The following FA2H variants were observed in gnomAD, a reference collection of about 807,000 sequenced individuals.
The protein encoded by FA2H is fatty acid 2-hydroxylase.
FA2H carries 22 observed loss-of-function variants against 44.9 expected under a neutral mutation model. That is an observed-to-expected ratio of 0.49 (90% CI 0.35 to 0.70). The LOEUF is 0.70. FA2H is among the 30% of genes least tolerant of loss of function. FA2H has a pLI of 0.01. For missense variants in FA2H, 501 were observed against 504.9 expected, an observed-to-expected ratio of 0.99 and a Z score of 0.07; for synonymous variants, 243 against 213.2, an observed-to-expected ratio of 1.14 and a Z score of -1.22.
At chr16:74,755,530 T>C (rs1481932798) in intron 1 of FA2H, among the ~76,000 whole-genome samples, 1 of 152,218 alleles carries the variant, frequency 6.6e-6, no homozygotes, top group African/African-American at 2.4e-5. Context: ...CTTTGCTGCA[T>C]ATAACCATTC....
In FA2H at chr16:74,714,226, G is replaced by A. The variant is rs541753758; in HGVS notation, c.1083C>T (p.Thr361=). 5 of 1,566,236 alleles carry A rather than the reference G, an allele frequency of 3.2e-6. No individual in the cohort carries two copies. In the African/African-American group the frequency reaches 6.8e-5, roughly 21 times the overall value. ...TCAGGTGGGGTTTCTCTGGAGTGAG[G>A]GTGTGGAAACAGTAATCCCACAATT... The part of the protein sequence containing the change: ...STKLWDYCFH[T]LTPEKPHLKT... Residue 361 remains threonine, a synonymous_variant, in exon 7 of 7, where the codon ACC becomes ACT. Coordinates refer to ENST00000219368, the MANE Select transcript of FA2H (RefSeq NM_024306.5).
At chr16:74,771,721 C>T (rs1356685830) in intron 1 of FA2H, among the ~76,000 whole-genome samples, 1 of 152,088 alleles carries the variant, frequency 6.6e-6, no homozygotes, top group Non-Finnish European at 1.5e-5. Flanking sequence ...TTAAACTGGG[C>T]CCTCACCACA....
At chr16:74,717,082 C>T in intron 5 of FA2H, 1 of 161,996 alleles carries the variant, frequency 6.2e-6, no homozygotes, top group Non-Finnish European at 1.4e-5. Context: ...GGCGGGATGA[C>T]CCGGAAGTGT....
At chr16:74,727,168 C>T in intron 3 of FA2H, 76 bp downstream of exon 3, 1 of 1,584,306 alleles carries the variant, frequency 6.3e-7, no homozygotes, top group Non-Finnish European at 8.6e-7. Flanking sequence ...GACTCAATTG[C>T]CCCCTCCCTT....
intron 1 of FA2H, among the ~76,000 whole-genome samples, chr16:74,766,012 G>A (rs1962802330): frequency 1.3e-5 from 2 of 152,018 alleles, no homozygotes; most frequent in African/African-American, 4.8e-5. Context: ...TGTTAAATAA[G>A]AAAGAATGTT....
intron 1 of FA2H, among the ~76,000 whole-genome samples, chr16:74,748,873 T>C (rs1962478685): frequency 6.6e-6 from 1 of 152,114 alleles, no homozygotes; most frequent in Admixed American, 6.5e-5. Context: ...ATAGCCTGGA[T>C]TTTGCCTGAA....
intron 4 of FA2H, among the ~76,000 whole-genome samples, chr16:74,723,730 C>G (rs1474628143): frequency 6.6e-6 from 1 of 152,174 alleles, no homozygotes; most frequent in Non-Finnish European, 1.5e-5. Context: ...GCAGAGAGCA[C>G]AGGCATTGGA....
chr16:74,771,551 G>A (rs1005113991), intron 1 of FA2H, among the ~76,000 whole-genome samples: 9 of 151,736 alleles, frequency 5.9e-5, no homozygotes, highest in African/African-American at 2.2e-4. Context: ...GGCCAGACTG[G>A]TCTCAAACCC....
intron 2 of FA2H, among the ~76,000 whole-genome samples, chr16:74,730,106 C>A (rs1473079522): frequency 6.6e-6 from 1 of 152,194 alleles, no homozygotes; most frequent in East Asian, 1.9e-4. Flanking sequence ...CTAGCCCTTA[C>A]ATGCCCCCCA....
chr16:74,720,180 C>CATTT (rs1961802434), intron 4 of FA2H, among the ~76,000 whole-genome samples: 1 of 47,198 alleles, frequency 2.1e-5, no homozygotes, highest in African/African-American at 1.0e-4. Context: ...CATCCTCATC[C>CATTT]TTTTTTTTTT....
At chr16:74,770,318 C>T (rs1404604923) in intron 1 of FA2H, among the ~76,000 whole-genome samples, 1 of 152,244 alleles carries the variant, frequency 6.6e-6, no homozygotes, top group African/African-American at 2.4e-5. Flanking sequence ...CCAGGCATCT[C>T]TTTGAAAGGA....
intron 2 of FA2H, among the ~76,000 whole-genome samples, chr16:74,734,277 G>A (rs1216893541): frequency 1.3e-5 from 2 of 152,232 alleles, no homozygotes; most frequent in African/African-American, 4.8e-5. Context: ...TACAGCAGTG[G>A]AACCCGACGC....
At chr16:74,772,096 C>A (rs923843342) in intron 1 of FA2H, among the ~76,000 whole-genome samples, 3 of 152,126 alleles carry the variant, frequency 2.0e-5, no homozygotes, top group African/African-American at 7.2e-5. Context: ...ATCCTGACCA[C>A]AGCCTACGAA....
At chr16:74,766,406 T>G (rs1198665045) in intron 1 of FA2H, among the ~76,000 whole-genome samples, 2 of 150,656 alleles carry the variant, frequency 1.3e-5, no homozygotes, top group Non-Finnish European at 1.5e-5. Context: ...GGTGAGGAGG[T>G]AAGGAGAATC....
chr16:74,744,358 G>GT (rs1332607900), intron 1 of FA2H, among the ~76,000 whole-genome samples: 2 of 151,498 alleles, frequency 1.3e-5, no homozygotes, highest in African/African-American at 4.8e-5. Context: ...CCAAAGGGTG[G>GT]TTTTTAAACA....
In FA2H at chr16:74,774,662, G is replaced by T. The variant is rs978032580; in HGVS notation, c.94C>A (p.Arg32Ser). 1.4e-6 allele frequency: 2 copies of T among 1,437,936 alleles called. No individual in the cohort carries two copies. The highest frequency in any genetic ancestry group is 9.1e-7 in the Non-Finnish European group (1 of 1,098,822). The allele number at this position is 1,437,936 out of a possible 1,614,324, so 89.1% of individuals were successfully genotyped here. A position where few individuals can be genotyped will look rare whatever the true frequency, so the allele number is the denominator to read the frequency against. ...ACGAAGCTGGAGAGGTCGTAGAGGC[G>T]GGCCCCGCGGCGGACCCAGCACGCG... The part of the protein sequence containing the change: ...AGACWVRRGA[R>S]LYDLSSFVRH... The change falls in exon 1 of 7, where the codon CGC becomes AGC. Residue 32 changes from arginine (R) to serine (S), a missense_variant. Arg to Ser is a moderately radical substitution (Grantham distance 110, BLOSUM62 -1). Transcript: ENST00000219368.
intron 4 of FA2H, chr16:74,725,829 G>A (rs1961941283): frequency 2.9e-6 from 1 of 343,816 alleles, no homozygotes. Context: ...TCTGTGCTGG[G>A]TTCATAGGCC....
intron 1 of FA2H, among the ~76,000 whole-genome samples, chr16:74,745,271 C>A (rs1962397005): frequency 6.6e-6 from 1 of 152,224 alleles, no homozygotes. Context: ...CCCATAAGCA[C>A]CGTGCACTAG....
At chr16:74,737,591 C>A (rs1962207163) in intron 2 of FA2H, among the ~76,000 whole-genome samples, 2 of 152,280 alleles carry the variant, frequency 1.3e-5, no homozygotes, top group East Asian at 3.9e-4. Flanking sequence ...CCCCTTCTCA[C>A]ACACACCTTC....
Sources: allele counts gnomAD v4.1 joint callset (sites outside exome capture counted in the v4.1 genomes callset), GRCh38; gene constraint gnomAD v4.1.1; transcripts MANE v1.5; gene names NCBI Gene and HGNC (gene_info 2026-07-23, HGNC 2026-07-21).